PGM5: variants seen among roughly 807,000 people sequenced by gnomAD.
PGM5 encodes phosphoglucomutase 5.
Under a neutral mutation model 59.2 loss-of-function variants are expected in PGM5, and 23 were observed. The ratio of observed to expected loss-of-function variants is 0.39; its 90% confidence interval spans 0.28 to 0.55. The LOEUF is 0.55. PGM5 is among the 20% of genes least tolerant of loss of function. PGM5 has a pLI of 0.66. For missense variants in PGM5, 574 were observed against 748.3 expected, an observed-to-expected ratio of 0.77 and a Z score of 2.72; for synonymous variants, 214 against 286.0, an observed-to-expected ratio of 0.75 and a Z score of 2.54.
chr9:68,365,714 T>C (rs1834666395), intron 1 of PGM5, among the ~76,000 whole-genome samples: 1 of 152,198 alleles, frequency 6.6e-6, no homozygotes, highest in Non-Finnish European at 1.5e-5. Flanking sequence ...AATTATTGCC[T>C]TTGTATTCTT....
chr9:68,418,798 C>A (rs782677945), intron 6 of PGM5, among the ~76,000 whole-genome samples: 20 of 152,204 alleles, frequency 1.3e-4, no homozygotes, highest in Non-Finnish European at 2.2e-4. Context: ...GGAACCCCTG[C>A]CGGGTCACCA....
chr9:68,383,063 A>C (rs1822117003), intron 2 of PGM5, among the ~76,000 whole-genome samples: 1 of 151,844 alleles, frequency 6.6e-6, no homozygotes, highest in Non-Finnish European at 1.5e-5. Flanking sequence ...GAGTGAAGAA[A>C]AGGGCTATGT....
At position 68,490,163 on chromosome 9, in the gene PGM5, C is replaced by T. The variant is rs181784811; in HGVS notation, c.1479+6115C>T. 1.4e-4 allele frequency among the ~76,000 whole-genome samples: 21 copies of T among 152,254 alleles called. 1 individual carries two copies. In the East Asian group the frequency reaches 1.7e-3, roughly 13 times the overall value. On this transcript the variant is annotated intron_variant, in intron 9 of 10. Coordinates refer to ENST00000396396, the MANE Select transcript of PGM5 (RefSeq NM_021965.4). ...GCATGTGGTGTTTTAATATGTACCT[C>T]GATGCAACAAACCCCTGGTCAGCAA...
chr9:68,471,162 G>A (rs1554686200), intron 7 of PGM5, among the ~76,000 whole-genome samples: 2 of 152,196 alleles, frequency 1.3e-5, no homozygotes. Context: ...AAGGAATGGG[G>A]CTTCTGAAAC....
intron 10 of PGM5, among the ~76,000 whole-genome samples, chr9:68,527,878 CCT>C (rs1197961370): frequency 2.0e-5 from 3 of 152,204 alleles, no homozygotes; most frequent in African/African-American, 7.2e-5. Flanking sequence ...CCTCCCCTTG[CCT>C]AATGAATTAA....
chr9:68,519,516 A>G (rs1015572407), intron 10 of PGM5, among the ~76,000 whole-genome samples: 4 of 152,088 alleles, frequency 2.6e-5, no homozygotes, highest in African/African-American at 9.7e-5. Context: ...AGGAAATTAC[A>G]TAACTTCTTA....
intron 8 of PGM5, among the ~76,000 whole-genome samples, chr9:68,482,867 C>A (rs11142616): frequency 0.046 from 7,031 of 152,332 alleles, 237 homozygotes; most frequent in African/African-American, 0.091. Flanking sequence ...ATATTTTAAA[C>A]CCCACAATGA....
At chr9:68,460,088 G>C (rs905819302) in intron 6 of PGM5, among the ~76,000 whole-genome samples, 1 of 152,150 alleles carries the variant, frequency 6.6e-6, no homozygotes, top group Non-Finnish European at 1.5e-5. Context: ...TGGATCTTGT[G>C]CTCTTTAAAT....
intron 6 of PGM5, among the ~76,000 whole-genome samples, chr9:68,408,438 A>C (rs1187853154): frequency 6.6e-6 from 1 of 152,048 alleles, no homozygotes; most frequent in African/African-American, 2.4e-5. Flanking sequence ...TTTTTCTTGT[A>C]AATTTGTTTG....
chr9:68,480,360 G>C, intron 8 of PGM5, among the ~76,000 whole-genome samples: 1 of 152,134 alleles, frequency 6.6e-6, no homozygotes, highest in East Asian at 1.9e-4. Context: ...ACCCCTTGAA[G>C]GAACCTCATG....
intron 6 of PGM5, among the ~76,000 whole-genome samples, chr9:68,415,108 G>A (rs1288091387): frequency 5.4e-5 from 8 of 149,290 alleles, no homozygotes; most frequent in Non-Finnish European, 1.2e-4. Context: ...TTCTTCTCTG[G>A]ACTTTTCCAC....
intron 6 of PGM5, among the ~76,000 whole-genome samples, chr9:68,425,947 A>G (rs1157701436): frequency 3.3e-5 from 5 of 152,148 alleles, no homozygotes; most frequent in African/African-American, 4.8e-5. Flanking sequence ...AAAAAGAGCG[A>G]TACTTTCTGA....
intron 10 of PGM5, among the ~76,000 whole-genome samples, chr9:68,516,989 A>G (rs1263541777): frequency 1.3e-5 from 2 of 151,198 alleles, no homozygotes; most frequent in Non-Finnish European, 2.9e-5. Context: ...CTCCTGCCTC[A>G]GCTTCCTGAG....
intron 10 of PGM5, among the ~76,000 whole-genome samples, chr9:68,526,898 T>G (rs947823882): frequency 2.0e-5 from 3 of 152,224 alleles, no homozygotes; most frequent in Non-Finnish European, 4.4e-5. Context: ...TTAAATTGCA[T>G]AGTCTCAATA....
intron 6 of PGM5, among the ~76,000 whole-genome samples, chr9:68,404,413 G>T (rs1426012768): frequency 6.6e-6 from 1 of 152,220 alleles, no homozygotes; most frequent in Non-Finnish European, 1.5e-5. Context: ...AGAGGTGTGA[G>T]CTACTGCGCC....
chr9:68,477,682 CAGTA>C (rs1824128621), intron 7 of PGM5, among the ~76,000 whole-genome samples: 1 of 152,190 alleles, frequency 6.6e-6, no homozygotes, highest in Admixed American at 6.5e-5. Flanking sequence ...CAGCACCTTG[CAGTA>C]ATTCACACAG....
At chr9:68,360,001 T>C (rs2261078) in intron 1 of PGM5, among the ~76,000 whole-genome samples, 19 of 149,388 alleles carry the variant, frequency 1.3e-4, no homozygotes, top group East Asian at 8.1e-4. Context: ...CATGCCACTA[T>C]GCACAGCTGA....
At chr9:68,368,906 A>C (rs1834731708) in intron 1 of PGM5, among the ~76,000 whole-genome samples, 1 of 152,242 alleles carries the variant, frequency 6.6e-6, no homozygotes, top group South Asian at 2.1e-4. Flanking sequence ...TGGTTTCCCA[A>C]AGTGCTGGGA....
intron 10 of PGM5, among the ~76,000 whole-genome samples, chr9:68,514,556 G>A (rs1037890192): frequency 1.2e-4 from 19 of 152,152 alleles, no homozygotes; most frequent in Admixed American, 2.6e-4. Context: ...GGTGAACCAA[G>A]ATTGCACCAC....
Sources: gnomAD v4.1 joint callset for allele counts (sites outside exome capture counted in the v4.1 genomes callset) on GRCh38, gnomAD v4.1.1 for gene constraint, MANE v1.5 for transcripts, NCBI Gene and HGNC (gene_info 2026-07-23, HGNC 2026-07-21) for gene names.